Variants in SLC17A1 observed in about 807,000 individuals in gnomAD.
The protein encoded by SLC17A1 is sodium-dependent phosphate transport protein 1.
SLC17A1 carries 51 observed loss-of-function variants against 53.5 expected under a neutral mutation model. The ratio of observed to expected loss-of-function variants is 0.95; its 90% confidence interval spans 0.76 to 1.20. The LOEUF (loss-of-function observed/expected upper bound fraction) is 1.20, where lower values mean the gene tolerates loss of function less well. Ranked by LOEUF, SLC17A1 falls within the 50% of genes most tolerant of loss-of-function variation. The pLI is 0.00. For missense variants in SLC17A1, 538 were observed against 568.2 expected (o/e 0.95, Z 0.54); for synonymous variants, 179 against 198.8 (o/e 0.90, Z 0.84).
At chr6:25,769,343 T>C in the SLC17A1 span, among the ~76,000 whole-genome samples, 1 of 152,108 alleles carries the variant, frequency 6.6e-6, no homozygotes, top group African/African-American at 2.4e-5. Context: ...AGGCCGAGCA[T>C]GGTGGCTCAC....
chr6:25,813,080 AG>A lies in SLC17A1; in HGVS notation c.735+14del. ...TAGAATCTGGGAGATGCCAATATGG[AG>A]AACTGTGTTCTACCTGCTGGACCAG... is the stretch of plus-strand genomic sequence containing the variant. On this transcript the variant is annotated intron_variant, in intron 7 of 12. Transcript: ENST00000244527. The A allele has an allele frequency of 6.2e-7, 1 of 1,612,100 alleles. No individual in the cohort carries two copies. The highest frequency in any genetic ancestry group is 8.5e-7 in the Non-Finnish European group (1 of 1,178,104).
In SLC17A1 at chr6:25,830,605, C is replaced by T. The variant is rs752635481; in HGVS notation, c.-48G>A. On this transcript the variant is annotated splice_region_variant and 5_prime_UTR_variant, in exon 2 of 13. Transcript: ENST00000244527. ...TCTTGCTGAAGGGTTTTGCCTCCAC[C>T]CACTGTGAGTGCAAAACACGTTGAT... is the stretch of plus-strand genomic sequence containing the variant. 6.2e-7 allele frequency: 1 copy of T among 1,611,400 alleles called. No individual in the cohort carries two copies. Among genetic ancestry groups the T allele is most frequent in the Non-Finnish European group, 8.5e-7 (1 of 1,177,928 alleles).
chr6:25,802,800 C>T (rs924381030), intron 10 of SLC17A1, among the ~76,000 whole-genome samples: 2 of 151,610 alleles, frequency 1.3e-5, no homozygotes, highest in African/African-American at 4.9e-5. Flanking sequence ...TGTTCTCTCT[C>T]AGTCTCTCTC....
the SLC17A1 span, chr6:25,770,221 T>G: frequency 6.2e-7 from 1 of 1,614,014 alleles, no homozygotes; most frequent in African/African-American, 1.3e-5. Context: ...TCCTCATTCC[T>G]GACCCTCTTC....
intron 10 of SLC17A1, among the ~76,000 whole-genome samples, chr6:25,809,184 T>G (rs998326023): frequency 1.3e-5 from 2 of 151,946 alleles, no homozygotes; most frequent in Non-Finnish European, 2.9e-5. Context: ...AGTTATAAAG[T>G]AAGAACTAAA....
the SLC17A1 span, chr6:25,777,911 A>ATC: frequency 2.7e-5 from 42 of 1,584,456 alleles, 1 homozygote; most frequent in South Asian, 3.8e-4. Flanking sequence ...ATAGAGTACC[A>ATC]TCTCTCTCTC....
chr6:25,813,308 G>T (rs1764227779), intron 6 of SLC17A1, 95 bp from the exon 7 acceptor site: 6 of 984,580 alleles, frequency 6.1e-6, no homozygotes, highest in Admixed American at 2.0e-5. Context: ...CTGAGAAACT[G>T]GACCTCCTCT....
intron 3 of SLC17A1, among the ~76,000 whole-genome samples, chr6:25,824,538 G>A (rs1157749213): frequency 6.6e-6 from 1 of 151,762 alleles, no homozygotes; most frequent in Admixed American, 6.6e-5. Context: ...ATGAATAACA[G>A]TAGTCACAGA....
At chr6:25,766,861 G>C in the SLC17A1 span, among the ~76,000 whole-genome samples, 4 of 152,156 alleles carry the variant, frequency 2.6e-5, no homozygotes, top group Admixed American at 2.6e-4. Flanking sequence ...CCAAAGAAGA[G>C]CCCAAGGAGA....
chr6:25,804,079 C>G (rs1344769990), intron 10 of SLC17A1, among the ~76,000 whole-genome samples: 1 of 152,032 alleles, frequency 6.6e-6, no homozygotes. Flanking sequence ...TGATTAATAT[C>G]ATTAATGATT....
intron 12 of SLC17A1, among the ~76,000 whole-genome samples, chr6:25,791,245 C>A (rs1763494593): frequency 6.6e-6 from 1 of 152,140 alleles, no homozygotes; most frequent in Non-Finnish European, 1.5e-5. Flanking sequence ...AACACTGCTA[C>A]AGGTCTTTTT....
intron 3 of SLC17A1, among the ~76,000 whole-genome samples, chr6:25,825,923 G>C (rs1204318695): frequency 2.6e-5 from 4 of 151,954 alleles, no homozygotes; most frequent in Non-Finnish European, 5.9e-5. Flanking sequence ...GGAGTCTACT[G>C]ATGAGCCCCT....
chr6:25,773,369 C>T, the SLC17A1 span: 4 of 1,613,680 alleles, frequency 2.5e-6, no homozygotes, highest in Middle Eastern at 1.6e-4. Flanking sequence ...AGAAGAGATA[C>T]ATTGTGTGTT....
the SLC17A1 span, chr6:25,769,971 A>C: frequency 9.7e-7 from 1 of 1,033,280 alleles, no homozygotes; most frequent in Non-Finnish European, 1.5e-6. Context: ...GTAAACAGAA[A>C]GATAACTGCC....
the SLC17A1 span, among the ~76,000 whole-genome samples, chr6:25,746,947 C>G: frequency 6.6e-6 from 1 of 152,306 alleles, no homozygotes; most frequent in Admixed American, 6.5e-5. Context: ...CTGATTGATT[C>G]ATCAGGGATA....
At chr6:25,831,167 G>A (rs1227154748) in intron 1 of SLC17A1, among the ~76,000 whole-genome samples, 2 of 152,104 alleles carry the variant, frequency 1.3e-5, no homozygotes, top group Non-Finnish European at 2.9e-5. Flanking sequence ...TTCAGTTTCC[G>A]TGGATAGAGC....
chr6:25,816,795 T>C lies in SLC17A1; in HGVS notation c.616+2273A>G, dbSNP rs150829102. On this transcript the variant is annotated intron_variant, in intron 6 of 12. Coordinates refer to ENST00000244527, the MANE Select transcript of SLC17A1 (RefSeq NM_005074.5). ...AATCATTTTAGAGATTTGAGAAGAG[T>C]TAAGAAGTTTGAAATAGTCTTTAGG... 1.2e-4 allele frequency among the ~76,000 whole-genome samples: 18 copies of C among 151,866 alleles called. No individual in the cohort carries two copies. The South Asian group carries it at 2.1e-3, about 18-fold the overall frequency.
At chr6:25,753,650 C>CT in the SLC17A1 span, among the ~76,000 whole-genome samples, 1 of 151,908 alleles carries the variant, frequency 6.6e-6, no homozygotes, top group African/African-American at 2.4e-5. Context: ...TGAAGGCTGA[C>CT]TTTTTTTTGG....
intron 1 of SLC17A1, 27 bp from the exon 2 acceptor site, chr6:25,830,634 A>G: frequency 2.0e-6 from 3 of 1,533,176 alleles, no homozygotes; most frequent in Non-Finnish European, 2.7e-6. Context: ...CGTTGATGTC[A>G]GCATAATGTA....
Sources: allele counts gnomAD v4.1 joint callset (sites outside exome capture counted in the v4.1 genomes callset), GRCh38; gene constraint gnomAD v4.1.1; transcripts MANE v1.5; gene names NCBI Gene and HGNC (gene_info 2026-07-23, HGNC 2026-07-21).